SGIP1: variants seen among roughly 807,000 people sequenced by gnomAD.
SGIP1 encodes SH3-containing GRB2-like protein 3-interacting protein 1.
Under a neutral mutation model 107.5 loss-of-function variants are expected in SGIP1, and 38 were observed. The observed-to-expected ratio is 0.35, with a 90% CI of 0.27 to 0.46. The LOEUF (loss-of-function observed/expected upper bound fraction) is 0.46, where lower values mean the gene tolerates loss of function less well. SGIP1 is among the 20% of genes least tolerant of loss of function. The pLI is 1.00. For synonymous variants in SGIP1, 365 were observed against 366.1 expected (o/e 1.00, Z 0.03); for missense variants, 929 against 1,019.5 (o/e 0.91, Z 1.21).
chr1:66,540,306 T>G (rs528082758), intron 1 of SGIP1, among the ~76,000 whole-genome samples: 1 of 152,278 alleles, frequency 6.6e-6, no homozygotes, highest in East Asian at 1.9e-4. Flanking sequence ...TCCTAGGAAA[T>G]GATTTCATAA....
intron 1 of SGIP1, among the ~76,000 whole-genome samples, chr1:66,576,216 G>C (rs2061044720): frequency 6.6e-6 from 1 of 152,148 alleles, no homozygotes; most frequent in African/African-American, 2.4e-5. Context: ...TTGAAAAGAA[G>C]GTGTTAATGT....
intron 1 of SGIP1, among the ~76,000 whole-genome samples, chr1:66,594,633 G>T (rs556610748): frequency 2.0e-5 from 3 of 152,240 alleles, no homozygotes; most frequent in Admixed American, 2.0e-4. Context: ...CCAGAGATTT[G>T]CATATAAAGA....
rs548769655 is a variant in SGIP1 at position 66,621,092 on chromosome 1, A to G, written c.11-4755A>G. ...ATTGTGATTTTAGGAGAACAGATCA[A>G]AGGAGCAAGCATCATGACAAAAATG... On this transcript the variant is annotated intron_variant, in intron 1 of 24. Transcript: ENST00000371037. Among the ~76,000 whole-genome samples the G allele has an allele frequency of 1.3e-4, 20 of 152,340 alleles. 1 individual carries two copies. The highest frequency in any genetic ancestry group is 3.3e-4 in the Admixed American group (5 of 15,308).
intron 1 of SGIP1, among the ~76,000 whole-genome samples, chr1:66,618,277 G>A (rs891597619): frequency 7.9e-5 from 12 of 152,286 alleles, no homozygotes; most frequent in African/African-American, 2.6e-4. Flanking sequence ...TACTCAGATT[G>A]GTCCATCTGG....
chr1:66,652,115 ATCTG>A (rs2149587631), intron 7 of SGIP1, among the ~76,000 whole-genome samples: 1 of 152,260 alleles, frequency 6.6e-6, no homozygotes, highest in East Asian at 1.9e-4. Flanking sequence ...ATATCTTATT[ATCTG>A]TGTGGTCATA....
In SGIP1 at chr1:66,744,180, T is replaced by C. The variant is rs142503782; in HGVS notation, c.*1085T>C. The stretch of plus-strand genomic sequence containing the variant: ...GAGTTTTAATCATTGTTTATATCAT[T>C]TGAGAATGAAAAAATAAGCTTCATA... On this transcript the variant is annotated 3_prime_UTR_variant, in exon 25 of 25. Coordinates refer to ENST00000371037, the MANE Select transcript of SGIP1 (RefSeq NM_032291.4). 33 of 152,286 alleles carry C rather than the reference T, an allele frequency of 2.2e-4. No homozygotes were observed. In the East Asian group the frequency reaches 4.4e-3, roughly 20 times the overall value. 9.4% of individuals were successfully genotyped at this position (152,286 alleles called of 1,614,324 possible).
At chr1:66,630,907 G>GAAAGAAAGAAA (rs1558134713) in intron 2 of SGIP1, among the ~76,000 whole-genome samples, 1 of 60,726 alleles carries the variant, frequency 1.6e-5, no homozygotes, top group Non-Finnish European at 3.2e-5. Context: ...AAGAAAGAAG[G>GAAAGAAAGAAA]GAGGGAGGGA....
At chr1:66,551,306 C>T (rs1306317442) in intron 1 of SGIP1, among the ~76,000 whole-genome samples, 1 of 152,138 alleles carries the variant, frequency 6.6e-6, no homozygotes, top group African/African-American at 2.4e-5. Context: ...GCACTTAAAG[C>T]AATTCTCCTA....
chr1:66,621,833 C>T (rs1340877990), intron 1 of SGIP1, among the ~76,000 whole-genome samples: 2 of 152,138 alleles, frequency 1.3e-5, no homozygotes, highest in African/African-American at 4.8e-5. Flanking sequence ...CCACATTTTG[C>T]TTATCCATTT....
intron 3 of SGIP1, among the ~76,000 whole-genome samples, chr1:66,635,652 G>A (rs1220935522): frequency 6.6e-6 from 1 of 152,098 alleles, no homozygotes; most frequent in Non-Finnish European, 1.5e-5. Flanking sequence ...TTAAATGCTG[G>A]CTGTATGAGA....
chr1:66,617,060 C>G lies in SGIP1; in HGVS notation c.11-8787C>G, dbSNP rs182948653. The stretch of plus-strand genomic sequence containing the variant: ...TTGTGCATACTTAGTACAGAGATCA[C>G]CTGGATTTCCTTTAAGTCAAGTAGA... On this transcript the variant is annotated intron_variant, in intron 1 of 24. Transcript: ENST00000371037. Among the ~76,000 whole-genome samples the G allele has an allele frequency of 1.8e-3, 274 of 152,270 alleles. 1 individual carries two copies. Among genetic ancestry groups the G allele is most frequent in the Non-Finnish European group, 3.2e-3 (220 of 68,022 alleles).
intron 18 of SGIP1, among the ~76,000 whole-genome samples, chr1:66,708,565 A>G (rs1572094756): frequency 6.6e-6 from 1 of 152,308 alleles, no homozygotes; most frequent in African/African-American, 2.4e-5. Flanking sequence ...TTTTTGTTGA[A>G]TACATGTGTT....
intron 19 of SGIP1, among the ~76,000 whole-genome samples, chr1:66,723,992 G>A (rs1040681974): frequency 1.3e-5 from 2 of 152,178 alleles, no homozygotes; most frequent in Non-Finnish European, 2.9e-5. Context: ...ACTTAGTCTT[G>A]TAATATGAAA....
Position 66,719,323 on chromosome 1 carries a change from A to G in SGIP1, c.1660A>G (p.Met554Val), listed in dbSNP as rs1481483980. The part of the protein sequence containing the change: ...GSSRGPSPLT[M>V]GAQDTLPVAA... ...TTCCAGGGGACCCAGCCCCCTAACC[A>G]TGGGAGCTCAGGACACTCTCCCTGT... Residue 554 changes from methionine (M) to valine (V), a missense_variant, in exon 19 of 25, where the codon ATG (methionine) becomes GTG (valine). Met to Val is a conservative substitution (Grantham distance 21). Around this residue, in one of 2 missense-constraint regions of SGIP1, gnomAD observed 341 missense variants for 430.9 expected, o/e 0.79. Coordinates refer to ENST00000371037, the MANE Select transcript of SGIP1 (RefSeq NM_032291.4). 10 of 1,613,194 alleles carry G rather than the reference A, an allele frequency of 6.2e-6. No individual in the cohort carries two copies. The South Asian group carries it at 1.1e-4, about 18-fold the overall frequency.
At chr1:66,584,552 GT>G (rs1202906596) in intron 1 of SGIP1, among the ~76,000 whole-genome samples, 2 of 148,990 alleles carry the variant, frequency 1.3e-5, no homozygotes, top group Admixed American at 6.8e-5. Context: ...CACAAGTTGG[GT>G]TTTTTCTTCT....
intron 1 of SGIP1, among the ~76,000 whole-genome samples, chr1:66,592,501 A>G (rs2063811619): frequency 6.6e-6 from 1 of 152,210 alleles, no homozygotes. Flanking sequence ...TCTTATGTCT[A>G]CTTCTTTCTA....
In SGIP1 at chr1:66,748,630, C is replaced by T. The variant is rs970110997; in HGVS notation, c.*5535C>T. On this transcript the variant is annotated 3_prime_UTR_variant, in exon 25 of 25. Transcript: ENST00000371037. ...TATCCCTAGAGTAATACCTTGCCTA[C>T]CTTAAATACATCTTTATCCTTGTAA... Among the ~76,000 whole-genome samples, 1 of 151,892 alleles carries T rather than the reference C, an allele frequency of 6.6e-6. No individual in the cohort carries two copies. The highest frequency in any genetic ancestry group is 2.4e-5 in the African/African-American group (1 of 41,400).
intron 1 of SGIP1, among the ~76,000 whole-genome samples, chr1:66,554,658 A>G (rs905247682): frequency 6.6e-6 from 1 of 152,160 alleles, no homozygotes; most frequent in Non-Finnish European, 1.5e-5. Flanking sequence ...ATGTATATAA[A>G]ACATAAATGG....
At chr1:66,541,996 A>G (rs17486706) in intron 1 of SGIP1, among the ~76,000 whole-genome samples, 18,564 of 152,150 alleles carry the variant, frequency 0.12, 1,175 homozygotes, top group South Asian at 0.15. Flanking sequence ...GTGTGGTAGA[A>G]AGAATAAGTA....
Sources: allele counts gnomAD v4.1 joint callset (sites outside exome capture counted in the v4.1 genomes callset), GRCh38; gene constraint gnomAD v4.1.1; regional missense constraint gnomAD v4.1.1; transcripts MANE v1.5; gene names NCBI Gene and HGNC (gene_info 2026-07-23, HGNC 2026-07-21).